The following PDHB variants were observed in gnomAD, a reference collection of about 807,000 sequenced individuals.
PDHB encodes pyruvate dehydrogenase E1 component subunit beta, mitochondrial.
PDHB carries 17 observed loss-of-function variants against 42.8 expected under a neutral mutation model. That is an observed-to-expected ratio of 0.40 (90% CI 0.27 to 0.60). The LOEUF is 0.60. Among genes scored for constraint, PDHB ranks in the 20% least tolerant of loss-of-function variants. The pLI is 0.46. For synonymous variants in PDHB, 154 were observed against 148.7 expected (o/e 1.04, Z -0.26); for missense variants, 322 against 451.3 (o/e 0.71, Z 2.60).
rs1302541225 is a variant in PDHB at position 58,433,792 on chromosome 3, G to A, written c.18C>T (p.Gly6=). 3 of 1,611,754 alleles carry A rather than the reference G, an allele frequency of 1.9e-6. No homozygotes were observed. The highest frequency in any genetic ancestry group is 1.7e-6 in the Non-Finnish European group (2 of 1,179,494). Residue 6 remains glycine (G), a synonymous_variant, in exon 1 of 10, where the codon GGC becomes GGT. Transcript: ENST00000302746. MAAVS[G]LVRRPLREVS... ...CCTCCCGAAGGGGTCTCCGCACCAA[G>A]CCAGACACCGCCGCCATCTTGGTCG...
At position 58,431,325 on chromosome 3, in the gene PDHB, G is replaced by C; in HGVS notation, c.303+268C>G. 1 of 486,728 alleles carries C rather than the reference G, an allele frequency of 2.1e-6. No homozygotes were observed. The highest frequency in any genetic ancestry group is 3.9e-5 in the East Asian group (1 of 25,698). The allele number at this position is 486,728 out of a possible 1,614,324, so 30.2% of individuals were successfully genotyped here. A position where few individuals can be genotyped will look rare whatever the true frequency, so the allele number is the denominator to read the frequency against. ...GCACTTTGGGAGGCCAAGGCGGTCG[G>C]ATCACTTGAGGCCAGGAGTTCAAGA... On this transcript the variant is annotated intron_variant, in intron 5 of 9. Coordinates refer to ENST00000302746, the MANE Select transcript of PDHB (RefSeq NM_000925.4). This position sits in a 1 kb window ranked among gnomAD's most constrained non-coding sequence, Gnocchi z 4.4.
intron 2 of PDHB, 148 bp downstream of exon 2, chr3:58,433,483 G>T: frequency 2.4e-6 from 2 of 831,064 alleles, no homozygotes; most frequent in Middle Eastern, 3.4e-4. Flanking sequence ...GGCGACAGAG[G>T]CAGCAGGAGC....
Position 58,431,047 on chromosome 3 carries a change from T to TTC in PDHB, c.304-106_304-105insGA. On this transcript the variant is annotated intron_variant, in intron 5 of 9. Coordinates refer to ENST00000302746, the MANE Select transcript of PDHB (RefSeq NM_000925.4). This position sits in a 1 kb window ranked among gnomAD's most constrained non-coding sequence, Gnocchi z 4.4. ...AACATTCAAATAATGTTTTTATTTT[T>TTC]TATTTTTATTTTTTATGGACAGGGT... The TTC allele has an allele frequency of 8.6e-7, 1 of 1,167,770 alleles. No homozygotes were observed. Among genetic ancestry groups the TTC allele is most frequent in the Non-Finnish European group, 1.3e-6 (1 of 799,568 alleles). 72.3% of individuals were successfully genotyped at this position (1,167,770 alleles called of 1,614,324 possible). A position where few individuals can be genotyped will look rare whatever the true frequency, so the allele number is the denominator to read the frequency against.
intron 2 of PDHB, chr3:58,432,403 T>C (rs116531008): frequency 2.6e-5 from 7 of 268,070 alleles, no homozygotes; most frequent in Non-Finnish European, 4.4e-5. Flanking sequence ...TTACTCACAA[T>C]AGACAAAACA....
chr3:58,428,334 G>T, intron 9 of PDHB, 139 bp downstream of exon 9: 1 of 1,228,406 alleles, frequency 8.1e-7, no homozygotes, highest in Non-Finnish European at 1.2e-6. Flanking sequence ...TCTGCCTGAA[G>T]AGAAATGCCA....
rs2062921188 is a variant in PDHB, at chr3:58,431,584, A to G, written c.303+9T>C. The G allele has an allele frequency of 6.3e-7, 1 of 1,589,522 alleles. No individual in the cohort carries two copies. The highest frequency in any genetic ancestry group is 8.6e-7 in the Non-Finnish European group (1 of 1,159,196). On this transcript the variant is annotated intron_variant, in intron 5 of 9. Coordinates refer to ENST00000302746, the MANE Select transcript of PDHB (RefSeq NM_000925.4). This position sits in a 1 kb window ranked among gnomAD's most constrained non-coding sequence, Gnocchi z 4.4. Reference sequence around the variant, plus strand: ...TCTTTGGATAAGTTTCATAAAGAGTATTACATACCATAGCTGCACCTACAG... The same window carrying G: ...TCTTTGGATAAGTTTCATAAAGAGTGTTACATACCATAGCTGCACCTACAG...
Position 58,429,619 on chromosome 3 carries a change from A to G in PDHB, c.792+89T>C. 3.5e-6 allele frequency: 3 copies of G among 852,492 alleles called. No individual in the cohort carries two copies. In the South Asian group the frequency reaches 4.0e-5, roughly 11 times the overall value. 52.8% of individuals were successfully genotyped at this position (852,492 alleles called of 1,614,324 possible). A position where few individuals can be genotyped will look rare whatever the true frequency, so the allele number is the denominator to read the frequency against. ...AATGAGTGACAAAGCAAGGTTTTAC[A>G]TCTAATTAACCTGTTACAGAACTCT... On this transcript the variant is annotated intron_variant, in intron 8 of 9. Transcript: ENST00000302746.
In PDHB at chr3:58,431,449, G is replaced by A; in HGVS notation, c.303+144C>T. Reference sequence around the variant, plus strand: ...TGTAACCCCAGCCACTATGGAGGCTGAGGCAGGAGAATTGCTTGAACCTGG... The same window carrying A: ...TGTAACCCCAGCCACTATGGAGGCTAAGGCAGGAGAATTGCTTGAACCTGG... On this transcript the variant is annotated intron_variant, in intron 5 of 9. Transcript: ENST00000302746. The surrounding 1 kb of genome is among the most constrained non-coding windows in gnomAD (Gnocchi z 4.4). 1.4e-6 allele frequency: 1 copy of A among 737,296 alleles called. No individual in the cohort carries two copies. The highest frequency in any genetic ancestry group is 2.4e-6 in the Non-Finnish European group (1 of 416,556). 45.7% of individuals were successfully genotyped at this position (737,296 alleles called of 1,614,324 possible).
Position 58,428,102 on chromosome 3 carries a change from G to T in PDHB, c.1012C>A (p.Leu338Ile), listed in dbSNP as rs933487004. The stretch of plus-strand genomic sequence containing the variant: ...ACCTGAGGTATAGAGTTGTCCTCTA[G>T]AATCTTTGCATAAGGCATAGGGACA... ...ADVPMPYAKI[L>I]EDNSIPQVKD... Residue 338 changes from leucine (L) to isoleucine (I), a missense_variant, in exon 10 of 10, where the codon CTA (leucine) becomes ATA (isoleucine). By Grantham distance (5) the Leu-to-Ile change is conservative (BLOSUM62 2). Transcript: ENST00000302746. 6.2e-7 allele frequency: 1 copy of T among 1,611,292 alleles called. No individual in the cohort carries two copies. Among genetic ancestry groups the T allele is most frequent in the African/African-American group, 1.3e-5 (1 of 74,868 alleles).
At position 58,433,818 on chromosome 3, in the gene PDHB, T is replaced by C; in HGVS notation, c.-9A>G. ...CCAGACACCGCCGCCATCTTGGTCGTGTCCTCTATCCGCTGCCAAACGACA... is the reference window on the plus strand; with the variant it reads ...CCAGACACCGCCGCCATCTTGGTCGCGTCCTCTATCCGCTGCCAAACGACA... On this transcript the variant is annotated 5_prime_UTR_variant, in exon 1 of 10. Coordinates refer to ENST00000302746, the MANE Select transcript of PDHB (RefSeq NM_000925.4). 1.2e-6 allele frequency: 2 copies of C among 1,609,968 alleles called. No homozygotes were observed. The highest frequency in any genetic ancestry group is 1.3e-5 in the African/African-American group (1 of 74,922).
Position 58,427,871 on chromosome 3 carries a change from T to C in PDHB, c.*163A>G. On this transcript the variant is annotated 3_prime_UTR_variant, in exon 10 of 10. Transcript: ENST00000302746. ...GCATCTAGGGGAGGAGAGTGGAGAG[T>C]TTTCCATACACAAACACATTTAAAC... 1.5e-6 allele frequency: 1 copy of C among 682,594 alleles called. No homozygotes were observed. The highest frequency in any genetic ancestry group is 2.7e-6 in the Non-Finnish European group (1 of 376,756). The allele number at this position is 682,594 out of a possible 1,614,324, so 42.3% of individuals were successfully genotyped here.
At chr3:58,429,576 G>T in intron 8 of PDHB, 132 bp downstream of exon 8, 1 of 742,074 alleles carries the variant, frequency 1.3e-6, no homozygotes, top group Non-Finnish European at 2.4e-6. Flanking sequence ...CAGGTTCCCA[G>T]CTTTAAGCAG....
chr3:58,430,849 TGTA>T lies in PDHB; in HGVS notation c.394_396del (p.Tyr132del). 6.2e-7 allele frequency: 1 copy of T among 1,614,036 alleles called. No individual in the cohort carries two copies. The highest frequency in any genetic ancestry group is 1.1e-5 in the South Asian group (1 of 91,090). ...GGCACAGGCTGAAGGCCACCAGACA[TGTA>T]GTAGGTCTTGGCAGCTGAGTTTATA... On this transcript the variant is annotated inframe_deletion, in exon 6 of 10. Coordinates refer to ENST00000302746, the MANE Select transcript of PDHB (RefSeq NM_000925.4).
In PDHB at chr3:58,431,048, T is replaced by C. The variant is rs2062915754; in HGVS notation, c.304-106A>G. ...ACATTCAAATAATGTTTTTATTTTT[T>C]ATTTTTATTTTTTATGGACAGGGTC... is the stretch of plus-strand genomic sequence containing the variant. On this transcript the variant is annotated intron_variant, in intron 5 of 9. Transcript: ENST00000302746. This position sits in a 1 kb window ranked among gnomAD's most constrained non-coding sequence, Gnocchi z 4.4. 3 of 1,169,454 alleles carry C rather than the reference T, an allele frequency of 2.6e-6. No individual in the cohort carries two copies. The African/African-American group carries it at 4.6e-5, about 18-fold the overall frequency. 72.4% of individuals were successfully genotyped at this position (1,169,454 alleles called of 1,614,324 possible).
Position 58,431,925 on chromosome 3 carries a change from C to T in PDHB, c.156G>A (p.Lys52=), listed in dbSNP as rs2107941218. ...CAACTTCTTCTCCAAGCAGAAATAC[C>T]TTCTCATCTCTTTCCAGCTCCTCAT... ...GMDEELERDE[K]VFLLGEEVAQ... is the part of the protein sequence containing the mutation. The change falls in exon 3 of 10, where the codon AAG becomes AAA. Residue 52 remains lysine, a synonymous_variant. Coordinates refer to ENST00000302746, the MANE Select transcript of PDHB (RefSeq NM_000925.4). The surrounding 1 kb of genome is among the most constrained non-coding windows in gnomAD (Gnocchi z 4.4). 1 of 1,613,956 alleles carries T rather than the reference C, an allele frequency of 6.2e-7. No homozygotes were observed. Among genetic ancestry groups the T allele is most frequent in the Non-Finnish European group, 8.5e-7 (1 of 1,179,926 alleles).
At chr3:58,432,128 T>C in intron 2 of PDHB, 144 bp from the exon 3 acceptor site, 1 of 697,280 alleles carries the variant, frequency 1.4e-6, no homozygotes, top group Non-Finnish European at 2.6e-6. Context: ...CAAAGAATTC[T>C]AAAAGTAACA....
intron 9 of PDHB, 60 bp from the exon 10 acceptor site, chr3:58,428,239 G>A: frequency 7.3e-6 from 11 of 1,501,954 alleles, no homozygotes; most frequent in East Asian, 2.3e-5. Context: ...TACCACCTTG[G>A]CACAGAGGTG....
chr3:58,428,708 T>A, intron 8 of PDHB, 94 bp from the exon 9 acceptor site: 1 of 1,140,656 alleles, frequency 8.8e-7, no homozygotes. Flanking sequence ...TTCCTGTTAA[T>A]CTTTGTATCT....
In PDHB at chr3:58,429,708, C is replaced by T. The variant is rs768584790; in HGVS notation, c.792G>A (p.Glu264=). The part of the protein sequence containing the change: ...AVLSKEGVEC[E]VINMRTIRPM... ...TAAGAACAAGTAAATGTCCACTCACCTCACATTCAACTCCTTCTTTAGATA... is the reference window on the plus strand; with the variant it reads ...TAAGAACAAGTAAATGTCCACTCACTTCACATTCAACTCCTTCTTTAGATA... Residue 264 remains glutamate (E), a splice_region_variant and synonymous_variant, in exon 8 of 10, where the codon GAG becomes GAA. Coordinates refer to ENST00000302746, the MANE Select transcript of PDHB (RefSeq NM_000925.4). The T allele has an allele frequency of 1.9e-6, 3 of 1,587,962 alleles. No homozygotes were observed.
Sources: allele counts gnomAD v4.1 joint callset, GRCh38; gene constraint gnomAD v4.1.1; non-coding constraint Gnocchi (gnomAD v3.1); transcripts MANE v1.5; gene names NCBI Gene and HGNC (gene_info 2026-07-23, HGNC 2026-07-21).